The following IL19 variants were observed in gnomAD, a reference collection of about 807,000 sequenced individuals.
The protein encoded by IL19 is interleukin-19.
A neutral mutation model predicts 19.5 loss-of-function variants in IL19; 15 were observed. That is an observed-to-expected ratio of 0.77 (90% CI 0.52 to 1.19). IL19 has a LOEUF of 1.19. Among genes scored for constraint, IL19 ranks in the 50% most tolerant of loss-of-function variants. IL19 has a pLI of 0.00. For synonymous variants in IL19, 78 were observed against 78.3 expected, an observed-to-expected ratio of 1.00 and a Z score of 0.02; for missense variants, 199 against 213.1, an observed-to-expected ratio of 0.93 and a Z score of 0.41.
At chr1:206,775,274 G>T (rs751033902) in intron 1 of IL19, among the ~76,000 whole-genome samples, 1 of 151,836 alleles carries the variant, frequency 6.6e-6, no homozygotes, top group Non-Finnish European at 1.5e-5. Flanking sequence ...GGATGGTCTC[G>T]ATCTCCTGAC....
chr1:206,772,822 G>T (rs1008875891), intron 1 of IL19, among the ~76,000 whole-genome samples: 1 of 152,164 alleles, frequency 6.6e-6, no homozygotes, highest in Non-Finnish European at 1.5e-5. Context: ...TCTCATTCGC[G>T]TGTTCCTAGG....
chr1:206,788,545 G>A (rs1675317849), intron 1 of IL19, among the ~76,000 whole-genome samples: 1 of 149,822 alleles, frequency 6.7e-6, no homozygotes, highest in South Asian at 2.1e-4. Context: ...TTTATCTCAA[G>A]AGCTTTAGAG....
chr1:206,829,381 G>A (rs1426902689), intron 2 of IL19, among the ~76,000 whole-genome samples: 6 of 152,148 alleles, frequency 3.9e-5, no homozygotes, highest in Admixed American at 1.3e-4. Flanking sequence ...GAGGAGGGGA[G>A]TGGGGAGAGG....
chr1:206,840,164 A>C, intron 5 of IL19, 162 bp downstream of exon 5: 1 of 820,624 alleles, frequency 1.2e-6, no homozygotes, highest in Non-Finnish European at 2.1e-6. Context: ...CCCAGTGGCC[A>C]CTGCTTCCCC....
intron 1 of IL19, among the ~76,000 whole-genome samples, chr1:206,777,796 T>C (rs1675045694): frequency 6.6e-6 from 1 of 152,270 alleles, no homozygotes; most frequent in Non-Finnish European, 1.5e-5. Context: ...GGGAGTTTCA[T>C]TTCTTCTTAT....
At position 206,842,892 on chromosome 1, in the gene IL19, T is replaced by G; in HGVS notation, c.*270T>G. 3.0e-6 allele frequency: 1 copy of G among 330,652 alleles called. No homozygotes were observed. The highest frequency in any genetic ancestry group is 5.6e-6 in the Non-Finnish European group (1 of 178,048). The allele number at this position is 330,652 out of a possible 1,614,324, so 20.5% of individuals were successfully genotyped here. On this transcript the variant is annotated 3_prime_UTR_variant, in exon 7 of 7. Transcript: ENST00000659997. ...TCTAATTTATTGTAAAGTCATATAGTCCATGTCTGTGATGTGAGCCAAGTG... is the reference window on the plus strand; with the variant it reads ...TCTAATTTATTGTAAAGTCATATAGGCCATGTCTGTGATGTGAGCCAAGTG...
rs139352858 is a variant in IL19, at chr1:206,771,057, A to G, written c.-170A>G. 14 of 1,614,060 alleles carry G rather than the reference A, an allele frequency of 8.7e-6. No homozygotes were observed. The African/African-American group carries it at 1.5e-4, about 17-fold the overall frequency. The stretch of plus-strand genomic sequence containing the variant: ...CAGACAAGGCTTGGCAACCCAGGTA[A>G]CCCTAAGGGCAGGAGCCAAAGGTGA... On this transcript the variant is annotated 5_prime_UTR_variant, in exon 1 of 7. Coordinates refer to ENST00000659997, the MANE Select transcript of IL19 (RefSeq NM_153758.5).
intron 5 of IL19, 120 bp downstream of exon 5, chr1:206,840,122 C>T (rs1361629914): frequency 8.9e-7 from 1 of 1,128,598 alleles, no homozygotes; most frequent in African/African-American, 1.5e-5. Context: ...ATTCTCTGCG[C>T]ACGTCCACAG....
intron 1 of IL19, among the ~76,000 whole-genome samples, chr1:206,783,321 C>G (rs528956786): frequency 3.3e-5 from 5 of 152,164 alleles, no homozygotes; most frequent in African/African-American, 1.2e-4. Flanking sequence ...CAACAAGGTT[C>G]TGATACTCTT....
intron 2 of IL19, among the ~76,000 whole-genome samples, chr1:206,819,356 C>T (rs982293752): frequency 2.0e-5 from 3 of 151,856 alleles, no homozygotes; most frequent in Non-Finnish European, 2.9e-5. Context: ...GAGGCTGAGG[C>T]GGGCAGATCA....
At chr1:206,793,495 C>T (rs551010366) in intron 1 of IL19, among the ~76,000 whole-genome samples, 1 of 152,222 alleles carries the variant, frequency 6.6e-6, no homozygotes, top group African/African-American at 2.4e-5. Flanking sequence ...CCGATTCCCC[C>T]AGCCGGCCTG....
intron 2 of IL19, among the ~76,000 whole-genome samples, chr1:206,825,230 C>G (rs1216345730): frequency 1.3e-5 from 2 of 152,144 alleles, no homozygotes; most frequent in Non-Finnish European, 2.9e-5. Flanking sequence ...GTAGTTGGTG[C>G]ATAAGTAACT....
intron 1 of IL19, among the ~76,000 whole-genome samples, chr1:206,782,679 G>A (rs1482419240): frequency 4.6e-5 from 7 of 152,188 alleles, no homozygotes; most frequent in Non-Finnish European, 7.3e-5. Flanking sequence ...CAAAACCCAT[G>A]GGAGTTCTGG....
At chr1:206,834,838 T>C (rs986048249) in intron 2 of IL19, among the ~76,000 whole-genome samples, 1 of 152,072 alleles carries the variant, frequency 6.6e-6, no homozygotes, top group Non-Finnish European at 1.5e-5. Flanking sequence ...AGGGAAACAA[T>C]GTTGTAAGTG....
intron 1 of IL19, among the ~76,000 whole-genome samples, chr1:206,790,684 T>C (rs1675378907): frequency 6.6e-6 from 1 of 152,142 alleles, no homozygotes. Flanking sequence ...CTGGCAGGTG[T>C]CTGGGGGTTT....
At chr1:206,796,649 T>C (rs4845137) in intron 1 of IL19, among the ~76,000 whole-genome samples, 2,142 of 152,294 alleles carry the variant, frequency 0.014, 129 homozygotes, top group Admixed American at 0.1. Context: ...TTGTCTGCAA[T>C]ATTCAGTACA....
intron 2 of IL19, among the ~76,000 whole-genome samples, chr1:206,832,080 C>T (rs111930933): frequency 1.1e-4 from 16 of 152,352 alleles, no homozygotes; most frequent in Middle Eastern, 3.4e-3. Context: ...CAGCACCCAC[C>T]TCCCTCCATC....
At chr1:206,824,718 A>G (rs1381642274) in intron 2 of IL19, among the ~76,000 whole-genome samples, 1 of 152,208 alleles carries the variant, frequency 6.6e-6, no homozygotes, top group African/African-American at 2.4e-5. Context: ...ATTTGTCTGA[A>G]GTTATAGAGC....
chr1:206,826,119 A>C (rs1676428265), intron 2 of IL19, among the ~76,000 whole-genome samples: 1 of 152,228 alleles, frequency 6.6e-6, no homozygotes, highest in Non-Finnish European at 1.5e-5. Flanking sequence ...CAGAGTTCAA[A>C]ATAAGTCCTC....
Sources: gnomAD v4.1 joint callset for allele counts (sites outside exome capture counted in the v4.1 genomes callset) on GRCh38, gnomAD v4.1.1 for gene constraint, MANE v1.5 for transcripts, NCBI Gene and HGNC (gene_info 2026-07-23, HGNC 2026-07-21) for gene names.